MTMR7: variants seen among roughly 807,000 people sequenced by gnomAD.
MTMR7 encodes phosphatidylinositol-3-phosphate phosphatase MTMR7.
In MTMR7, 76 loss-of-function variants were observed where a neutral mutation model predicts 81.2. That is an observed-to-expected ratio of 0.94 (90% confidence interval 0.78 to 1.13). MTMR7 has a LOEUF of 1.13. Ranked by LOEUF, MTMR7 falls within the 50% of genes most tolerant of loss-of-function variation. The probability of loss-of-function intolerance (pLI) is 0.00; values close to 1 mark genes in which losing one functional copy is unlikely to be tolerated. For synonymous variants in MTMR7, 372 were observed against 289.8 expected (o/e 1.28, Z -2.88); for missense variants, 1,044 against 820.0 (o/e 1.27, Z -3.34).
At chr8:17,350,768 T>C (rs1819706270) in intron 4 of MTMR7, among the ~76,000 whole-genome samples, 1 of 152,202 alleles carries the variant, frequency 6.6e-6, no homozygotes. Context: ...CTGTCTTTGT[T>C]AGCAGAATAG....
intron 1 of MTMR7, among the ~76,000 whole-genome samples, chr8:17,391,126 T>C (rs948594358): frequency 2.6e-5 from 4 of 152,158 alleles, no homozygotes; most frequent in African/African-American, 4.8e-5. Flanking sequence ...GTCAAGGGTC[T>C]ACGAGGACGT....
chr8:17,341,680 T>C (rs1241979681), intron 5 of MTMR7, among the ~76,000 whole-genome samples, 183 bp from the exon 6 acceptor site: 2 of 152,140 alleles, frequency 1.3e-5, no homozygotes, highest in African/African-American at 2.4e-5. Flanking sequence ...AAACCACTAA[T>C]GGGCAAGCAA....
At chr8:17,340,233 A>G (rs1586219185) in intron 6 of MTMR7, among the ~76,000 whole-genome samples, 1 of 152,226 alleles carries the variant, frequency 6.6e-6, no homozygotes, top group Non-Finnish European at 1.5e-5. Context: ...GATTACAGGC[A>G]CAAGCCACTG....
At chr8:17,361,062 G>C (rs1820044577) in intron 4 of MTMR7, 55 bp downstream of exon 4, 2 of 1,587,488 alleles carry the variant, frequency 1.3e-6, no homozygotes, top group African/African-American at 1.3e-5. Flanking sequence ...GGGATGCTAA[G>C]CTGGCTGAAA....
chr8:17,342,727 G>T (rs759289974), intron 5 of MTMR7, among the ~76,000 whole-genome samples: 4 of 152,084 alleles, frequency 2.6e-5, no homozygotes, highest in Non-Finnish European at 5.9e-5. Context: ...TCACTGAGGG[G>T]GTTAAAGGAA....
chr8:17,388,375 C>T (rs1374025410), intron 1 of MTMR7, among the ~76,000 whole-genome samples: 2 of 152,128 alleles, frequency 1.3e-5, no homozygotes, highest in Non-Finnish European at 2.9e-5. Flanking sequence ...TTCTTTGTAA[C>T]TCAGTGAATA....
At chr8:17,380,037 A>G (rs1168895690) in intron 1 of MTMR7, among the ~76,000 whole-genome samples, 1 of 152,140 alleles carries the variant, frequency 6.6e-6, no homozygotes, top group African/African-American at 2.4e-5. Context: ...ACAATGACAC[A>G]TAAACGGATG....
chr8:17,384,800 C>T (rs545938179), intron 1 of MTMR7, among the ~76,000 whole-genome samples: 128 of 152,286 alleles, frequency 8.4e-4, no homozygotes, highest in African/African-American at 1.5e-3. Context: ...AAATAAAGAA[C>T]GTCAACTGTT....
intron 1 of MTMR7, among the ~76,000 whole-genome samples, chr8:17,407,175 C>T (rs1358238138): frequency 6.6e-6 from 1 of 151,938 alleles, no homozygotes; most frequent in Non-Finnish European, 1.5e-5. Flanking sequence ...CTAAATCACC[C>T]ATTATTAAAA....
At chr8:17,325,588 G>T (rs776556398) in intron 7 of MTMR7, among the ~76,000 whole-genome samples, 27 of 152,260 alleles carry the variant, frequency 1.8e-4, no homozygotes, top group Non-Finnish European at 3.1e-4. Context: ...CTGAGCTGAC[G>T]CGGGGCCTGC....
At chr8:17,322,188 C>G (rs1051648103) in intron 7 of MTMR7, among the ~76,000 whole-genome samples, 6 of 152,170 alleles carry the variant, frequency 3.9e-5, no homozygotes, top group African/African-American at 1.4e-4. Context: ...ATCCATAAGA[C>G]AGTCTTCAGA....
At chr8:17,364,223 C>T (rs899685023) in intron 3 of MTMR7, among the ~76,000 whole-genome samples, 5 of 151,418 alleles carry the variant, frequency 3.3e-5, no homozygotes, top group Non-Finnish European at 1.5e-5. Context: ...TTAGTAGAGA[C>T]GGGTTTTCAC....
intron 7 of MTMR7, among the ~76,000 whole-genome samples, chr8:17,319,304 A>G (rs1373226418): frequency 6.6e-6 from 1 of 152,180 alleles, no homozygotes; most frequent in Non-Finnish European, 1.5e-5. Context: ...TAATACCAAT[A>G]AGCATTACAC....
At chr8:17,372,243 C>A (rs12676388) in intron 2 of MTMR7, among the ~76,000 whole-genome samples, 20,945 of 152,102 alleles carry the variant, frequency 0.14, 1,794 homozygotes, top group East Asian at 0.39. Flanking sequence ...CGAAATACAG[C>A]AAAGGGAAAT....
At chr8:17,302,996 C>G (rs1248644505) in intron 12 of MTMR7, among the ~76,000 whole-genome samples, 1 of 152,024 alleles carries the variant, frequency 6.6e-6, no homozygotes, top group Non-Finnish European at 1.5e-5. Context: ...TAGGCGGGAG[C>G]CACCACGCCT....
chr8:17,331,541 T>G (rs1215966113), intron 6 of MTMR7, among the ~76,000 whole-genome samples: 1 of 152,248 alleles, frequency 6.6e-6, no homozygotes, highest in African/African-American at 2.4e-5. Flanking sequence ...TAAACCCTTC[T>G]GGAGATGTCA....
chr8:17,297,674 T>G lies in MTMR7; in HGVS notation c.*2188A>C, dbSNP rs1333761067. On this transcript the variant is annotated 3_prime_UTR_variant, in exon 14 of 14. Coordinates refer to ENST00000180173, the MANE Select transcript of MTMR7 (RefSeq NM_004686.5). ...GATTATTCCCTATGCTTTAAACCACTGCTCTCAATAAAACACTTCCTGATT... is the reference window on the plus strand; with the variant it reads ...GATTATTCCCTATGCTTTAAACCACGGCTCTCAATAAAACACTTCCTGATT... The G allele has an allele frequency of 6.6e-6, 1 of 152,116 alleles. No homozygotes were observed. The highest frequency in any genetic ancestry group is 1.5e-5 in the Non-Finnish European group (1 of 67,948). The allele number at this position is 152,116 out of a possible 1,614,324, so 9.4% of individuals were successfully genotyped here.
At chr8:17,373,576 G>C (rs1053794535) in intron 1 of MTMR7, among the ~76,000 whole-genome samples, 2 of 152,136 alleles carry the variant, frequency 1.3e-5, no homozygotes, top group East Asian at 1.9e-4. Flanking sequence ...AGCAGAAAGT[G>C]TATGTGTTAA....
intron 1 of MTMR7, among the ~76,000 whole-genome samples, chr8:17,380,950 A>T (rs1820738366): frequency 1.3e-5 from 2 of 152,194 alleles, no homozygotes; most frequent in African/African-American, 4.8e-5. Context: ...AATGGATACA[A>T]GAGCCCAAAG....
Sources: allele counts gnomAD v4.1 joint callset (sites outside exome capture counted in the v4.1 genomes callset), GRCh38; gene constraint gnomAD v4.1.1; transcripts MANE v1.5; gene names NCBI Gene and HGNC (gene_info 2026-07-23, HGNC 2026-07-21).